The following CSTPP1 variants were observed in gnomAD, a reference collection of about 807,000 sequenced individuals.
CSTPP1 encodes UPF0705 protein C11orf49.
At chr11:47,016,406 A>AT in the CSTPP1 span, among the ~76,000 whole-genome samples, 1 of 150,394 alleles carries the variant, frequency 6.6e-6, no homozygotes, top group East Asian at 1.9e-4. Context: ...ACAAAAAACA[A>AT]AAAACAAAAA....
the CSTPP1 span, among the ~76,000 whole-genome samples, chr11:47,019,754 T>A: frequency 6.6e-6 from 1 of 152,174 alleles, no homozygotes. Flanking sequence ...TTTGAAATAT[T>A]GTGAGAATTA....
At chr11:47,051,014 A>G in the CSTPP1 span, among the ~76,000 whole-genome samples, 1 of 152,236 alleles carries the variant, frequency 6.6e-6, no homozygotes, top group East Asian at 1.9e-4. Context: ...ATTAAAGACA[A>G]GTTAGATACT....
chr11:47,137,688 G>C, the CSTPP1 span: 1 of 1,614,078 alleles, frequency 6.2e-7, no homozygotes, highest in Non-Finnish European at 8.5e-7. Flanking sequence ...TGCAATTACT[G>C]TGTCCTGATT....
chr11:46,948,608 G>A, the CSTPP1 span, among the ~76,000 whole-genome samples: 2 of 152,006 alleles, frequency 1.3e-5, no homozygotes, highest in Non-Finnish European at 2.9e-5. Context: ...AAGAAGAAAT[G>A]TACTCTTCCC....
the CSTPP1 span, among the ~76,000 whole-genome samples, chr11:46,996,335 G>A: frequency 6.7e-6 from 1 of 149,742 alleles, no homozygotes; most frequent in Non-Finnish European, 1.5e-5. Context: ...ACGGAGTTTC[G>A]CTCTGTCGCC....
the CSTPP1 span, among the ~76,000 whole-genome samples, chr11:47,130,116 G>GC: frequency 2.0e-5 from 3 of 152,144 alleles, no homozygotes; most frequent in African/African-American, 7.2e-5. Context: ...AATTAGCCAG[G>GC]CATGGTGGCA....
the CSTPP1 span, among the ~76,000 whole-genome samples, chr11:47,132,471 T>C: frequency 1.8e-4 from 28 of 152,280 alleles, no homozygotes; most frequent in Admixed American, 1.6e-3. Flanking sequence ...TTCAGAAAAG[T>C]GTATATGTTA....
the CSTPP1 span, chr11:47,161,033 G>GCC: frequency 2.0e-6 from 3 of 1,534,316 alleles, no homozygotes; most frequent in Non-Finnish European, 2.7e-6. Flanking sequence ...AGGGTCAGCA[G>GCC]AACAGGCAGC....
chr11:46,950,701 T>A, the CSTPP1 span, among the ~76,000 whole-genome samples: 1 of 151,954 alleles, frequency 6.6e-6, no homozygotes, highest in Admixed American at 6.6e-5. Flanking sequence ...AACCTCCACC[T>A]CCCGGGTTCA....
the CSTPP1 span, among the ~76,000 whole-genome samples, chr11:47,100,742 A>G: frequency 2.6e-5 from 4 of 152,240 alleles, no homozygotes; most frequent in South Asian, 2.1e-4. Flanking sequence ...GTGAGCCGAC[A>G]TTGTGCCACT....
chr11:47,004,609 C>T, the CSTPP1 span, among the ~76,000 whole-genome samples: 1 of 152,174 alleles, frequency 6.6e-6, no homozygotes, highest in Non-Finnish European at 1.5e-5. Flanking sequence ...ACAGAATAGC[C>T]TAAGAAAGCT....
the CSTPP1 span, among the ~76,000 whole-genome samples, chr11:47,100,698 CA>C: frequency 2.8e-3 from 419 of 152,216 alleles, 3 homozygotes; most frequent in African/African-American, 9.3e-3. Flanking sequence ...GGCTGAGGCA[CA>C]AGAATCGCTT....
the CSTPP1 span, among the ~76,000 whole-genome samples, chr11:47,154,725 C>G: frequency 6.6e-6 from 1 of 152,178 alleles, no homozygotes; most frequent in Non-Finnish European, 1.5e-5. Flanking sequence ...ACCCTTTAAA[C>G]CCCTTAGCTG....
chr11:46,993,343 GTTTTC>G, the CSTPP1 span, among the ~76,000 whole-genome samples: 73 of 150,414 alleles, frequency 4.9e-4, 1 homozygote, highest in South Asian at 0.014. Context: ...TATTGCCTAG[GTTTTC>G]TTTTCTTTTC....
the CSTPP1 span, among the ~76,000 whole-genome samples, chr11:46,981,050 T>C: frequency 1.3e-5 from 2 of 152,126 alleles, no homozygotes; most frequent in African/African-American, 4.8e-5. Context: ...GAAATGCCAA[T>C]TCCATCTTGA....
chr11:47,072,802 CT>C, the CSTPP1 span, among the ~76,000 whole-genome samples: 1 of 151,958 alleles, frequency 6.6e-6, no homozygotes, highest in African/African-American at 2.4e-5. Context: ...ATGTATTATG[CT>C]AATTGTCCAA....
At chr11:47,108,865 C>G in the CSTPP1 span, among the ~76,000 whole-genome samples, 1 of 152,078 alleles carries the variant, frequency 6.6e-6, no homozygotes, top group Non-Finnish European at 1.5e-5. Context: ...GGCCACCATG[C>G]CTGACTAATT....
At chr11:46,939,631 CATAGATAGATAGATAG>C in the CSTPP1 span, among the ~76,000 whole-genome samples, 10 of 116,956 alleles carry the variant, frequency 8.6e-5, no homozygotes, top group African/African-American at 2.2e-4. Flanking sequence ...CTCTAAAATG[CATAGATAGATAGATAG>C]ATAGATAGAT....
chr11:47,145,900 A>ATTATTTTATT, the CSTPP1 span, among the ~76,000 whole-genome samples: 25 of 151,318 alleles, frequency 1.7e-4, no homozygotes, highest in Admixed American at 2.6e-4. Flanking sequence ...CTTTCCGTAA[A>ATTATTTTATT]TTATTTTATT....
Sources: allele counts gnomAD v4.1 joint callset (sites outside exome capture counted in the v4.1 genomes callset), GRCh38; gene constraint gnomAD v4.1.1; transcripts MANE v1.5; gene names NCBI Gene and HGNC (gene_info 2026-07-23, HGNC 2026-07-21).